The following RNF180 variants were observed in gnomAD, a reference collection of about 807,000 sequenced individuals.
RNF180 encodes ring finger protein 180.
RNF180 carries 38 observed loss-of-function variants against 59.2 expected under a neutral mutation model. That is an observed-to-expected ratio of 0.64 (90% CI 0.50 to 0.84). The LOEUF (loss-of-function observed/expected upper bound fraction) is 0.84, where lower values mean the gene tolerates loss of function less well. RNF180 is among the 40% of genes least tolerant of loss of function. The pLI is 0.00. For synonymous variants in RNF180, 262 were observed against 240.3 expected (o/e 1.09, Z -0.84); for missense variants, 705 against 700.9 (o/e 1.01, Z -0.07).
chr5:64,339,795 C>G (rs919411069), intron 7 of RNF180, among the ~76,000 whole-genome samples: 2 of 152,006 alleles, frequency 1.3e-5, no homozygotes, highest in African/African-American at 4.8e-5. Flanking sequence ...ATAAAACTAG[C>G]TAATACTTGT....
At chr5:64,184,626 G>C (rs1750783415) in intron 1 of RNF180, among the ~76,000 whole-genome samples, 1 of 152,052 alleles carries the variant, frequency 6.6e-6, no homozygotes, top group Non-Finnish European at 1.5e-5. Flanking sequence ...CATATCACCT[G>C]AGAATCCTAA....
intron 5 of RNF180, among the ~76,000 whole-genome samples, chr5:64,218,084 C>T (rs972464923): frequency 3.3e-5 from 5 of 151,812 alleles, no homozygotes; most frequent in African/African-American, 1.2e-4. Flanking sequence ...TCTTTTTATT[C>T]TCTTAATTTT....
chr5:64,312,533 T>A (rs1170763942), intron 5 of RNF180, among the ~76,000 whole-genome samples: 1 of 151,796 alleles, frequency 6.6e-6, no homozygotes, highest in Admixed American at 6.6e-5. Flanking sequence ...AGCATCTCTG[T>A]TCAATCAGAC....
At chr5:64,246,367 G>C (rs952590508) in intron 5 of RNF180, among the ~76,000 whole-genome samples, 19 of 151,938 alleles carry the variant, frequency 1.3e-4, no homozygotes, top group Non-Finnish European at 2.4e-4. Context: ...CTGCTAGCCA[G>C]ACTAATAAAG....
chr5:64,200,692 A>C (rs949687632), intron 1 of RNF180, 116 bp from the exon 2 acceptor site: 2 of 817,646 alleles, frequency 2.4e-6, no homozygotes, highest in South Asian at 3.7e-5. Flanking sequence ...AGGTACCTTA[A>C]TAAATGATAG....
chr5:64,265,856 A>T (rs552787210), intron 5 of RNF180, among the ~76,000 whole-genome samples: 40 of 152,130 alleles, frequency 2.6e-4, no homozygotes, highest in African/African-American at 9.4e-4. Flanking sequence ...ATCCATGAGG[A>T]TGAGATGTTT....
intron 5 of RNF180, among the ~76,000 whole-genome samples, chr5:64,251,852 GA>G (rs907723544): frequency 6.6e-6 from 1 of 151,818 alleles, no homozygotes; most frequent in East Asian, 1.9e-4. Context: ...ACTTGCTACA[GA>G]AAAAAATACC....
At chr5:64,361,886 A>G (rs755038391) in intron 7 of RNF180, among the ~76,000 whole-genome samples, 6 of 151,340 alleles carry the variant, frequency 4.0e-5, no homozygotes, top group Non-Finnish European at 5.9e-5. Context: ...CTCCTGTACC[A>G]TGCATTTTAA....
At chr5:64,307,619 AAG>A (rs1161012466) in intron 5 of RNF180, among the ~76,000 whole-genome samples, 1 of 151,696 alleles carries the variant, frequency 6.6e-6, no homozygotes, top group East Asian at 1.9e-4. Flanking sequence ...AAAATATCAT[AAG>A]TCAAAAATGT....
intron 2 of RNF180, 36 bp downstream of exon 2, chr5:64,200,978 T>C: frequency 1.3e-6 from 2 of 1,594,296 alleles, no homozygotes; most frequent in Non-Finnish European, 1.7e-6. Flanking sequence ...AGTTTCCTGG[T>C]AGAGGAGTGC....
At chr5:64,314,792 T>C (rs951781030) in intron 5 of RNF180, among the ~76,000 whole-genome samples, 3 of 152,206 alleles carry the variant, frequency 2.0e-5, no homozygotes, top group Admixed American at 2.0e-4. Context: ...GCATGCAGTC[T>C]ATTGCCACTT....
intron 7 of RNF180, among the ~76,000 whole-genome samples, chr5:64,338,268 T>TA (rs1745214709): frequency 6.6e-6 from 1 of 152,184 alleles, no homozygotes; most frequent in South Asian, 2.1e-4. Flanking sequence ...TCTTTGCACT[T>TA]ACCAGACTTT....
chr5:64,169,600 C>T (rs543950546), intron 1 of RNF180, among the ~76,000 whole-genome samples: 45 of 152,264 alleles, frequency 3.0e-4, no homozygotes, highest in Admixed American at 5.9e-4. Flanking sequence ...TTGGACAGAT[C>T]AAAGAACGAG....
At chr5:64,296,279 A>G (rs1311939651) in intron 5 of RNF180, among the ~76,000 whole-genome samples, 1 of 152,174 alleles carries the variant, frequency 6.6e-6, no homozygotes, top group Non-Finnish European at 1.5e-5. Context: ...GAATGAAAAC[A>G]TAGACAACAG....
At chr5:64,207,759 G>C (rs1752093423) in intron 2 of RNF180, among the ~76,000 whole-genome samples, 1 of 151,982 alleles carries the variant, frequency 6.6e-6, no homozygotes, top group African/African-American at 2.4e-5. Flanking sequence ...CCTTCTCAAA[G>C]TACAAATAGA....
chr5:64,253,299 G>C (rs909497719), intron 5 of RNF180, among the ~76,000 whole-genome samples: 2 of 152,168 alleles, frequency 1.3e-5, no homozygotes, highest in South Asian at 4.1e-4. Context: ...TCTATCTCCT[G>C]TAAAATAGAA....
chr5:64,268,846 T>A (rs1388373134), intron 5 of RNF180, among the ~76,000 whole-genome samples: 3 of 152,300 alleles, frequency 2.0e-5, no homozygotes, highest in African/African-American at 7.2e-5. Context: ...TATGCAGAGC[T>A]GCCAGCTCTT....
intron 7 of RNF180, among the ~76,000 whole-genome samples, chr5:64,369,186 C>T (rs1197162834): frequency 6.6e-6 from 1 of 152,004 alleles, no homozygotes. Flanking sequence ...AGGAAATCAT[C>T]ATTCTCAGTA....
chr5:64,259,777 C>T (rs543860968), intron 5 of RNF180, among the ~76,000 whole-genome samples: 13 of 151,896 alleles, frequency 8.6e-5, no homozygotes, highest in South Asian at 2.1e-4. Flanking sequence ...CAAAATTAGC[C>T]GGGCGTGGTG....
Sources: allele counts gnomAD v4.1 joint callset (sites outside exome capture counted in the v4.1 genomes callset), GRCh38; gene constraint gnomAD v4.1.1; transcripts MANE v1.5; gene names NCBI Gene and HGNC (gene_info 2026-07-23, HGNC 2026-07-21).